MAML3: variants seen among roughly 807,000 people sequenced by gnomAD.
The protein encoded by MAML3 is mastermind-like protein 3.
A neutral mutation model predicts 101.9 loss-of-function variants in MAML3; 27 were observed. The observed-to-expected ratio is 0.27, with a 90% CI of 0.20 to 0.37. The LOEUF (loss-of-function observed/expected upper bound fraction) is 0.37. Among genes scored for constraint, MAML3 ranks in the 10% least tolerant of loss-of-function variants. MAML3 has a pLI of 1.00. For missense variants in MAML3, 1,316 were observed against 1,444.9 expected, an observed-to-expected ratio of 0.91 and a Z score of 1.45; for synonymous variants, 501 against 555.9, an observed-to-expected ratio of 0.90 and a Z score of 1.39.
chr4:139,986,188 C>T (rs1734536328), intron 1 of MAML3, among the ~76,000 whole-genome samples: 1 of 152,178 alleles, frequency 6.6e-6, no homozygotes. Flanking sequence ...TGGACAGGGT[C>T]ATCCCTTGTC....
Position 139,771,976 on chromosome 4 carries a change from A to T in MAML3, c.2080-41309T>A, listed in dbSNP as rs184061722. ...AAAAAAAGTCCGGGCGCGGTGGCTC[A>T]CGCCTGTAATCCCAGCACTTTGGGA... On this transcript the variant is annotated intron_variant, in intron 2 of 4. Transcript: ENST00000509479. Among the ~76,000 whole-genome samples, 731 of 149,582 alleles carry T rather than the reference A, an allele frequency of 4.9e-3. 4 individuals carry two copies. Among genetic ancestry groups the T allele is most frequent in the African/African-American group, 0.016 (669 of 40,684 alleles).
intron 1 of MAML3, among the ~76,000 whole-genome samples, chr4:140,131,366 G>A (rs77169575): frequency 0.15 from 22,869 of 152,132 alleles, 2,129 homozygotes; most frequent in East Asian, 0.36. Flanking sequence ...CAGTGGTAAG[G>A]GAGTAGAGGG....
intron 1 of MAML3, among the ~76,000 whole-genome samples, chr4:140,092,064 ATATATATATACG>A (rs1201377178): frequency 7.4e-4 from 52 of 70,742 alleles, no homozygotes; most frequent in South Asian, 1.3e-3. Flanking sequence ...TAAAAACTTT[ATATATATATACG>A]TATATATATA....
chr4:139,996,889 T>A (rs2110837428), intron 1 of MAML3, among the ~76,000 whole-genome samples: 1 of 151,974 alleles, frequency 6.6e-6, no homozygotes, highest in South Asian at 2.1e-4. Context: ...TGAAACCCCA[T>A]CTCTACTAAA....
chr4:139,883,450 C>G (rs1230829525), intron 2 of MAML3, among the ~76,000 whole-genome samples: 2 of 151,998 alleles, frequency 1.3e-5, no homozygotes, highest in Non-Finnish European at 2.9e-5. Context: ...CTGTGAGGCA[C>G]TATGCAAAAA....
chr4:140,013,347 T>C (rs1361197777), intron 1 of MAML3, among the ~76,000 whole-genome samples: 1 of 152,130 alleles, frequency 6.6e-6, no homozygotes, highest in Admixed American at 6.5e-5. Flanking sequence ...CTTCCTTACT[T>C]TTCCCTCAGC....
At chr4:139,845,406 G>A (rs1265356398) in intron 2 of MAML3, among the ~76,000 whole-genome samples, 1 of 152,236 alleles carries the variant, frequency 6.6e-6, no homozygotes, top group Non-Finnish European at 1.5e-5. Context: ...CAAACTGGCA[G>A]AGACACATAG....
chr4:139,896,917 G>A (rs1191788468), intron 1 of MAML3, among the ~76,000 whole-genome samples: 2 of 152,166 alleles, frequency 1.3e-5, no homozygotes, highest in Non-Finnish European at 2.9e-5. Flanking sequence ...CCCACAGCAA[G>A]GAGGAGCATG....
chr4:139,829,783 C>G (rs911585359), intron 2 of MAML3, among the ~76,000 whole-genome samples: 7 of 152,154 alleles, frequency 4.6e-5, no homozygotes, highest in African/African-American at 1.7e-4. Context: ...GTTTAGGCAG[C>G]AAACAAGTTT....
intron 1 of MAML3, among the ~76,000 whole-genome samples, chr4:139,991,061 C>T (rs1734662599): frequency 1.3e-5 from 2 of 152,104 alleles, no homozygotes; most frequent in Non-Finnish European, 1.5e-5. Flanking sequence ...CTTTAAAGTT[C>T]ATATAGAACC....
chr4:140,118,582 C>T (rs1728552463), intron 1 of MAML3, among the ~76,000 whole-genome samples: 1 of 152,136 alleles, frequency 6.6e-6, no homozygotes, highest in Admixed American at 6.5e-5. Flanking sequence ...TGGTGGCTCA[C>T]ACCTGTAATC....
rs1397682499 is a variant in MAML3 at position 140,067,420 on chromosome 4, GAGACAGC to G, written c.468+85433_468+85439del. On this transcript the variant is annotated intron_variant, in intron 1 of 4. Coordinates refer to ENST00000509479, the MANE Select transcript of MAML3 (RefSeq NM_018717.5). ...GGGATAGCCAACAAGGTTAGGGAGG[GAGACAGC>G]ATACGTATTATTTACAATAAAACTT... is the stretch of plus-strand genomic sequence containing the variant. Among the ~76,000 whole-genome samples the G allele has an allele frequency of 2.0e-5, 3 of 152,102 alleles. No individual in the cohort carries two copies. In the East Asian group the frequency reaches 5.8e-4, roughly 29 times the overall value.
chr4:140,077,249 T>C (rs1045117202), intron 1 of MAML3, among the ~76,000 whole-genome samples: 2 of 152,178 alleles, frequency 1.3e-5, no homozygotes, highest in African/African-American at 4.8e-5. Context: ...TCATTCTTGA[T>C]CTCTCCATGT....
chr4:140,152,876 T>C lies in MAML3; in HGVS notation c.452A>G (p.Asn151Ser), dbSNP rs774688160. The change falls in exon 1 of 5, where the codon AAC becomes AGC. Residue 151 changes from asparagine to serine, a missense_variant. Asn to Ser is a conservative substitution (Grantham distance 46). Transcript: ENST00000509479. ...DAEAASAEQR[N>S]HTLIMLQETV... ...CGCCCTCACCATGATCAGCGTGTGG[T>C]TCCTCTGCTCCGCCGAGGCAGCCTC... 7.5e-6 allele frequency: 12 copies of C among 1,608,322 alleles called. No homozygotes were observed. Among genetic ancestry groups the C allele is most frequent in the Non-Finnish European group, 8.5e-6 (10 of 1,177,720 alleles).
At chr4:139,725,581 G>A (rs1331577892) in intron 4 of MAML3, among the ~76,000 whole-genome samples, 170 bp downstream of exon 4, 1 of 152,166 alleles carries the variant, frequency 6.6e-6, no homozygotes, top group African/African-American at 2.4e-5. Flanking sequence ...ACAACAGGAG[G>A]CCTCTAGGAA....
At chr4:140,097,758 T>C (rs1313615284) in intron 1 of MAML3, among the ~76,000 whole-genome samples, 1 of 152,196 alleles carries the variant, frequency 6.6e-6, no homozygotes, top group Admixed American at 6.5e-5. Flanking sequence ...CACAACCTCA[T>C]CTCCAAGCTC....
Position 139,889,909 on chromosome 4 carries a change from TTGCTGC to T in MAML3, c.1521_1526del (p.Gln509_Gln510del), listed in dbSNP as rs58015886. Reference sequence around the variant, plus strand: ...AATTTGAAGTCTGATTTGAGTGCTGTTGCTGCTGCTGCTGCTGCTGCTGCTGCTGCT... The same window carrying T: ...AATTTGAAGTCTGATTTGAGTGCTGTTGCTGCTGCTGCTGCTGCTGCTGCT... On this transcript the variant is annotated inframe_deletion, in exon 2 of 5. Transcript: ENST00000509479. 0.023 allele frequency: 33,645 copies of T among 1,472,376 alleles called. 744 individuals are homozygous for T. The highest frequency in any genetic ancestry group is 0.12 in the Admixed American group (6,091 of 48,816). 91.2% of individuals were successfully genotyped at this position (1,472,376 alleles called of 1,614,324 possible).
At chr4:139,724,981 A>G (rs4863679) in intron 4 of MAML3, among the ~76,000 whole-genome samples, 41,159 of 151,466 alleles carry the variant, frequency 0.27, 5,892 homozygotes, top group African/African-American at 0.34. Flanking sequence ...CTGGTCTTGA[A>G]CTCCTGGCCT....
At chr4:140,056,042 G>A (rs1228511087) in intron 1 of MAML3, among the ~76,000 whole-genome samples, 2 of 152,244 alleles carry the variant, frequency 1.3e-5, no homozygotes, top group Non-Finnish European at 2.9e-5. Context: ...AGGGGTGTGT[G>A]GCATTAGAAG....
Sources: allele counts gnomAD v4.1 joint callset (sites outside exome capture counted in the v4.1 genomes callset), GRCh38; gene constraint gnomAD v4.1.1; transcripts MANE v1.5; gene names NCBI Gene and HGNC (gene_info 2026-07-23, HGNC 2026-07-21).